The following RHOT1 variants were observed in gnomAD, a reference collection of about 807,000 sequenced individuals.
RHOT1 encodes mitochondrial Rho GTPase 1.
Under a neutral mutation model 95.3 loss-of-function variants are expected in RHOT1, and 27 were observed. The ratio of observed to expected loss-of-function variants is 0.28; its 90% CI spans 0.21 to 0.39. The LOEUF (loss-of-function observed/expected upper bound fraction) is 0.39, where lower values mean the gene tolerates loss of function less well. Among genes scored for constraint, RHOT1 ranks in the 10% least tolerant of loss-of-function variants. RHOT1 has a pLI of 1.00. For missense variants in RHOT1, 578 were observed against 786.7 expected, an observed-to-expected ratio of 0.73 and a Z score of 3.17; for synonymous variants, 227 against 263.5, an observed-to-expected ratio of 0.86 and a Z score of 1.34.
At chr17:32,165,034 A>G (rs1047513065) in intron 1 of RHOT1, among the ~76,000 whole-genome samples, 1 of 151,306 alleles carries the variant, frequency 6.6e-6, no homozygotes, top group Non-Finnish European at 1.5e-5. Context: ...AAAAAAACAA[A>G]ACAAAACAAA....
intron 11 of RHOT1, among the ~76,000 whole-genome samples, chr17:32,197,178 C>G (rs2036951704): frequency 6.6e-6 from 1 of 151,866 alleles, no homozygotes. Context: ...TTTGTGGTTC[C>G]TTAGAAGTGG....
chr17:32,145,502 A>G (rs577164564), intron 1 of RHOT1, among the ~76,000 whole-genome samples: 1 of 152,334 alleles, frequency 6.6e-6, no homozygotes, highest in African/African-American at 2.4e-5. Flanking sequence ...ACCTCTGCCA[A>G]ACTACTTCAA....
intron 6 of RHOT1, 108 bp downstream of exon 6, chr17:32,176,321 T>C (rs2034995524): frequency 5.8e-6 from 5 of 862,464 alleles, no homozygotes; most frequent in East Asian, 2.6e-5. Context: ...TTAAATTTAC[T>C]AGGTAACGTT....
At chr17:32,153,950 CTG>C (rs2032627106) in intron 1 of RHOT1, among the ~76,000 whole-genome samples, 1 of 152,076 alleles carries the variant, frequency 6.6e-6, no homozygotes. Context: ...GGCATTCTGT[CTG>C]TGATCCACAG....
chr17:32,197,343 C>T (rs1158145933), intron 11 of RHOT1, among the ~76,000 whole-genome samples: 1 of 151,542 alleles, frequency 6.6e-6, no homozygotes, highest in African/African-American at 2.4e-5. Flanking sequence ...CTTCTCCTGC[C>T]TCAGCTTCCC....
intron 12 of RHOT1, among the ~76,000 whole-genome samples, 165 bp from the exon 13 acceptor site, chr17:32,199,240 T>G (rs758355256): frequency 1.3e-5 from 2 of 152,226 alleles, no homozygotes; most frequent in Non-Finnish European, 2.9e-5. Flanking sequence ...GACTCTCTTA[T>G]AGGTTTTCTT....
intron 6 of RHOT1, among the ~76,000 whole-genome samples, chr17:32,177,754 C>CAAAA (rs765273097): frequency 1.1e-5 from 1 of 87,072 alleles, no homozygotes; most frequent in Non-Finnish European, 2.4e-5. Flanking sequence ...GACTCCGTCT[C>CAAAA]AAAAAAAAAA....
chr17:32,151,469 TCTAG>T, intron 1 of RHOT1: 1 of 615,692 alleles, frequency 1.6e-6, no homozygotes, highest in South Asian at 1.7e-5. Flanking sequence ...GATGAAAGAG[TCTAG>T]CTAGGGATTC....
intron 11 of RHOT1, among the ~76,000 whole-genome samples, chr17:32,197,201 A>T: frequency 6.6e-6 from 1 of 151,136 alleles, no homozygotes; most frequent in East Asian, 1.9e-4. Context: ...AGCCTGTCTC[A>T]TTTTTGTCTC....
intron 15 of RHOT1, among the ~76,000 whole-genome samples, chr17:32,203,254 T>TTTCTTC (rs1223623021): frequency 0.032 from 4,034 of 126,344 alleles, 234 homozygotes; most frequent in African/African-American, 0.072. Context: ...ACATATTTCT[T>TTTCTTC]TTCTTCTTCT....
At chr17:32,177,982 A>C (rs2035157855) in intron 6 of RHOT1, among the ~76,000 whole-genome samples, 1 of 150,006 alleles carries the variant, frequency 6.7e-6, no homozygotes, top group African/African-American at 2.5e-5. Flanking sequence ...CCACCACCAC[A>C]CCCAGCTAAT....
chr17:32,217,717 T>G (rs1402501290), intron 19 of RHOT1, among the ~76,000 whole-genome samples: 2 of 146,758 alleles, frequency 1.4e-5, no homozygotes, highest in Non-Finnish European at 3.0e-5. Flanking sequence ...ATTGCACCAC[T>G]GCACTCCAGA....
chr17:32,162,542 C>G (rs113998846), intron 1 of RHOT1, among the ~76,000 whole-genome samples: 3 of 152,146 alleles, frequency 2.0e-5, no homozygotes, highest in African/African-American at 7.2e-5. Context: ...AATGCTAGTT[C>G]CAGAATCTCC....
At chr17:32,169,960 A>G (rs1207380961) in intron 1 of RHOT1, among the ~76,000 whole-genome samples, 1 of 152,134 alleles carries the variant, frequency 6.6e-6, no homozygotes, top group African/African-American at 2.4e-5. Context: ...CAGTGAGCCA[A>G]AAAAATCACA....
chr17:32,215,104 A>G (rs1181205187), intron 19 of RHOT1, among the ~76,000 whole-genome samples: 1 of 151,540 alleles, frequency 6.6e-6, no homozygotes, highest in East Asian at 1.9e-4. Context: ...CCATGTCTCA[A>G]ACTGGTCTCG....
chr17:32,222,974 CT>C (rs527250399), intron 19 of RHOT1: 955 of 695,382 alleles, frequency 1.4e-3, no homozygotes, highest in South Asian at 3.0e-3. Context: ...TCTTCTCTGA[CT>C]TTTTTTTTAA....
chr17:32,203,004 T>C, intron 15 of RHOT1, 104 bp downstream of exon 15: 2 of 1,126,346 alleles, frequency 1.8e-6, no homozygotes, highest in Admixed American at 4.4e-5. Flanking sequence ...TTATTAGAAC[T>C]CAATGGCCTG....
chr17:32,150,611 GTGAGAGATAC>G, intron 1 of RHOT1: 3 of 1,587,764 alleles, frequency 1.9e-6, no homozygotes, highest in Non-Finnish European at 2.6e-6. Flanking sequence ...TACTTTGTGA[GTGAGAGATAC>G]TGATACAGAC....
intron 1 of RHOT1, chr17:32,143,051 C>G (rs1567641685): frequency 2.9e-6 from 2 of 679,324 alleles, no homozygotes; most frequent in Non-Finnish European, 5.6e-6. Flanking sequence ...TTCTCTCCTC[C>G]TTTTCCTCTT....
Sources: gnomAD v4.1 joint callset for allele counts (sites outside exome capture counted in the v4.1 genomes callset) on GRCh38, gnomAD v4.1.1 for gene constraint, MANE v1.5 for transcripts, NCBI Gene and HGNC (gene_info 2026-07-23, HGNC 2026-07-21) for gene names.